Variants in TSHZ2 observed in about 807,000 individuals in gnomAD.
The protein encoded by TSHZ2 is teashirt zinc finger homeobox 2.
TSHZ2 carries 21 observed loss-of-function variants against 74.4 expected under a neutral mutation model. The observed-to-expected ratio is 0.28, with a 90% CI of 0.20 to 0.41. The LOEUF is 0.41. TSHZ2 is among the 10% of genes least tolerant of loss of function. TSHZ2 has a pLI of 1.00. For synonymous variants in TSHZ2, 540 were observed against 515.3 expected, an observed-to-expected ratio of 1.05 and a Z score of -0.65; for missense variants, 1,244 against 1,293.5, an observed-to-expected ratio of 0.96 and a Z score of 0.59.
intron 2 of TSHZ2, among the ~76,000 whole-genome samples, chr20:53,420,543 G>A (rs759619270): frequency 2.0e-5 from 3 of 152,100 alleles, no homozygotes; most frequent in African/African-American, 7.2e-5. Flanking sequence ...TGGCTAACAC[G>A]GTGAAACCCC....
At chr20:53,203,495 G>T (rs1989059836) in intron 1 of TSHZ2, among the ~76,000 whole-genome samples, 1 of 151,924 alleles carries the variant, frequency 6.6e-6, no homozygotes, top group African/African-American at 2.4e-5. Context: ...TTGGCATGGG[G>T]GTCTCAAACT....
chr20:53,248,604 T>C (rs1204155023), intron 1 of TSHZ2, among the ~76,000 whole-genome samples: 2 of 152,224 alleles, frequency 1.3e-5, no homozygotes, highest in Non-Finnish European at 2.9e-5. Context: ...CTAATGGACT[T>C]TATCCATGAT....
intron 2 of TSHZ2, among the ~76,000 whole-genome samples, chr20:53,459,917 G>A (rs993044265): frequency 7.9e-5 from 12 of 152,238 alleles, no homozygotes; most frequent in Non-Finnish European, 1.3e-4. Flanking sequence ...GGTTTCTGCC[G>A]AGAGATCCAC....
chr20:52,980,577 A>G (rs945035293), intron 1 of TSHZ2, among the ~76,000 whole-genome samples: 2 of 152,232 alleles, frequency 1.3e-5, no homozygotes, highest in Non-Finnish European at 2.9e-5. Flanking sequence ...AGCCATTTCT[A>G]TGGAAATTAT....
chr20:53,053,924 C>T (rs1022001483), intron 1 of TSHZ2, among the ~76,000 whole-genome samples: 5 of 152,162 alleles, frequency 3.3e-5, no homozygotes, highest in African/African-American at 7.2e-5. Flanking sequence ...TTAGTGACTG[C>T]GCCCTAACTG....
intron 2 of TSHZ2, among the ~76,000 whole-genome samples, chr20:53,464,171 G>A (rs753930161): frequency 6.6e-6 from 1 of 152,168 alleles, no homozygotes; most frequent in Non-Finnish European, 1.5e-5. Context: ...GGCAACTCTG[G>A]AGACTGTTGC....
At position 53,494,571 on chromosome 20, in the gene TSHZ2, G is replaced by A. The variant is rs947582777; in HGVS notation, c.*7436G>A. The A allele has an allele frequency of 1.3e-5, 2 of 151,640 alleles. No homozygotes were observed. Among genetic ancestry groups the A allele is most frequent in the African/African-American group, 2.4e-5 (1 of 41,292 alleles). The allele number at this position is 151,640 out of a possible 1,614,324, so 9.4% of individuals were successfully genotyped here. A position where few individuals can be genotyped will look rare whatever the true frequency, so the allele number is the denominator to read the frequency against. On this transcript the variant is annotated 3_prime_UTR_variant, in exon 3 of 3. Coordinates refer to ENST00000371497, the MANE Select transcript of TSHZ2 (RefSeq NM_173485.6). ...AATTTTATCACTAGAAATAAATTCC[G>A]ATGGTGGAAACGAAGAAAACCCTTA... is the stretch of plus-strand genomic sequence containing the variant.
intron 2 of TSHZ2, among the ~76,000 whole-genome samples, chr20:53,363,366 T>C (rs1310790551): frequency 2.6e-5 from 4 of 152,208 alleles, no homozygotes; most frequent in African/African-American, 9.7e-5. Flanking sequence ...AAGAGGGACA[T>C]TGAGTGTAAC....
intron 2 of TSHZ2, among the ~76,000 whole-genome samples, chr20:53,464,386 C>CT: frequency 6.6e-6 from 1 of 152,276 alleles, no homozygotes; most frequent in East Asian, 1.9e-4. Context: ...GGAGTAGGAA[C>CT]TGTCTAGGTG....
chr20:53,374,942 CTA>C (rs1250065516), intron 2 of TSHZ2, among the ~76,000 whole-genome samples: 2 of 149,230 alleles, frequency 1.3e-5, no homozygotes, highest in South Asian at 2.1e-4. Flanking sequence ...AAAAAAAACA[CTA>C]TTTTTAAATA....
In TSHZ2 at chr20:53,027,406, C is replaced by A. The variant is rs1485705995; in HGVS notation, c.40+54073C>A. On this transcript the variant is annotated intron_variant, in intron 1 of 2. Coordinates refer to ENST00000371497, the MANE Select transcript of TSHZ2 (RefSeq NM_173485.6). Reference sequence around the variant, plus strand: ...GTTAGAGCACATGCACCTTATGGTACTTTATCTAATCTTAGTTGTTGAGAA... The same window carrying A: ...GTTAGAGCACATGCACCTTATGGTAATTTATCTAATCTTAGTTGTTGAGAA... Among the ~76,000 whole-genome samples, 5 of 152,070 alleles carry A rather than the reference C, an allele frequency of 3.3e-5. No individual in the cohort carries two copies. In the South Asian group the frequency reaches 6.2e-4, roughly 19 times the overall value.
At chr20:53,408,366 T>C (rs1423219645) in intron 2 of TSHZ2, among the ~76,000 whole-genome samples, 5 of 152,192 alleles carry the variant, frequency 3.3e-5, no homozygotes, top group East Asian at 3.8e-4. Context: ...ACAGCATCTT[T>C]TGTGTGGTTC....
rs1396735094 is a variant in TSHZ2 at position 53,494,810 on chromosome 20, A to G, written c.*7675A>G. On this transcript the variant is annotated 3_prime_UTR_variant, in exon 3 of 3. Coordinates refer to ENST00000371497, the MANE Select transcript of TSHZ2 (RefSeq NM_173485.6). ...ATAAGTATATTATTTACATTTTTAT[A>G]CATGATAACTCTTGCCTTTGTGTTG... 6.6e-6 allele frequency: 1 copy of G among 151,980 alleles called. No individual in the cohort carries two copies. Among genetic ancestry groups the G allele is most frequent in the Non-Finnish European group, 1.5e-5 (1 of 68,014 alleles). 9.4% of individuals were successfully genotyped at this position (151,980 alleles called of 1,614,324 possible).
chr20:53,096,590 C>A (rs781582537), intron 1 of TSHZ2, among the ~76,000 whole-genome samples: 57 of 151,722 alleles, frequency 3.8e-4, no homozygotes, highest in Non-Finnish European at 6.2e-4. Flanking sequence ...TCATTTAAAC[C>A]AGGTTTTCTC....
chr20:53,307,203 G>T (rs887578503), intron 2 of TSHZ2, among the ~76,000 whole-genome samples: 1 of 152,006 alleles, frequency 6.6e-6, no homozygotes, highest in Non-Finnish European at 1.5e-5. Context: ...GCTCCTCCCA[G>T]GCTGCAACTT....
At chr20:53,043,115 G>A (rs1984104564) in intron 1 of TSHZ2, among the ~76,000 whole-genome samples, 1 of 152,114 alleles carries the variant, frequency 6.6e-6, no homozygotes, top group Non-Finnish European at 1.5e-5. Flanking sequence ...AAAAAAGTTA[G>A]CATCTATGTC....
chr20:53,271,268 G>A (rs1990831607), intron 2 of TSHZ2, among the ~76,000 whole-genome samples: 1 of 152,170 alleles, frequency 6.6e-6, no homozygotes, highest in Admixed American at 6.5e-5. Context: ...CTGGCTGAGG[G>A]ACCTGGGTCA....
chr20:53,441,549 G>A (rs568032330), intron 2 of TSHZ2, among the ~76,000 whole-genome samples: 20 of 151,432 alleles, frequency 1.3e-4, no homozygotes, highest in African/African-American at 4.4e-4. Flanking sequence ...GCCTCCCAAA[G>A]TGCTGGTATT....
chr20:53,188,480 G>A (rs1988655367), intron 1 of TSHZ2, among the ~76,000 whole-genome samples: 1 of 152,174 alleles, frequency 6.6e-6, no homozygotes, highest in Non-Finnish European at 1.5e-5. Context: ...GGACAGAGAA[G>A]CTTTTTGGTG....
Sources: allele counts gnomAD v4.1 joint callset (sites outside exome capture counted in the v4.1 genomes callset), GRCh38; gene constraint gnomAD v4.1.1; transcripts MANE v1.5; gene names NCBI Gene and HGNC (gene_info 2026-07-23, HGNC 2026-07-21).